The following MAP2K2 variants were observed in gnomAD, a reference collection of about 807,000 sequenced individuals.
The protein encoded by MAP2K2 is dual specificity mitogen-activated protein kinase kinase 2.
MAP2K2 carries 24 observed loss-of-function variants against 43.7 expected under a neutral mutation model. The observed-to-expected ratio is 0.55, with a 90% confidence interval of 0.40 to 0.77. The LOEUF (loss-of-function observed/expected upper bound fraction) is 0.77. Among genes scored for constraint, MAP2K2 ranks in the 30% least tolerant of loss-of-function variants. The probability of loss-of-function intolerance (pLI) is 0.00; values close to 1 mark genes in which losing one functional copy is unlikely to be tolerated. For synonymous variants in MAP2K2, 244 were observed against 239.7 expected (o/e 1.02, Z -0.17); for missense variants, 470 against 566.8 (o/e 0.83, Z 1.73).
intron 10 of MAP2K2, among the ~76,000 whole-genome samples, chr19:4,092,696 T>G (rs2040865612): frequency 6.6e-6 from 1 of 152,154 alleles, no homozygotes; most frequent in Non-Finnish European, 1.5e-5. Context: ...CTTGAACTCC[T>G]GGCCTCAGAG....
In MAP2K2 at chr19:4,117,660, T is replaced by C. The variant is rs200867451; in HGVS notation, c.93-31A>G. Reference sequence around the variant, plus strand: ...GAGACCCCCCAGGGTAGGGGTTAGCTACCTAGGGAGACTCCATCTGGCCGT... The same window carrying C: ...GAGACCCCCCAGGGTAGGGGTTAGCCACCTAGGGAGACTCCATCTGGCCGT... On this transcript the variant is annotated intron_variant, in intron 1 of 10. Transcript: ENST00000262948. 1,884 of 1,603,322 alleles carry C rather than the reference T, an allele frequency of 1.2e-3. 2 individuals are homozygous for C. Among genetic ancestry groups the C allele is most frequent in the Non-Finnish European group, 1.4e-3 (1,608 of 1,171,260 alleles).
At chr19:4,105,728 T>C (rs952582326) in intron 3 of MAP2K2, among the ~76,000 whole-genome samples, 6 of 152,098 alleles carry the variant, frequency 3.9e-5, no homozygotes, top group African/African-American at 1.4e-4. Flanking sequence ...GACTGCAGCA[T>C]AGTGCTGTGA....
In MAP2K2 at chr19:4,101,990, A is replaced by G. The variant is rs946063573; in HGVS notation, c.528+386T>C. 2.6e-5 allele frequency among the ~76,000 whole-genome samples: 4 copies of G among 152,114 alleles called. No homozygotes were observed. Among genetic ancestry groups the G allele is most frequent in the African/African-American group, 4.8e-5 (2 of 41,422 alleles). On this transcript the variant is annotated intron_variant, in intron 4 of 10. Coordinates refer to ENST00000262948, the MANE Select transcript of MAP2K2 (RefSeq NM_030662.4). The surrounding 1 kb of genome is among the most constrained non-coding windows in gnomAD (Gnocchi z 6.3). ...CCTTGGCCCCGGTGACATTTCTAAC[A>G]GCAATGGTGAGTGTGTCTGGAGGTC...
chr19:4,102,792 G>A, intron 3 of MAP2K2: 1 of 1,250,240 alleles, frequency 8.0e-7, no homozygotes, highest in South Asian at 1.5e-5. Context: ...AGGCAGCTGT[G>A]GGGCCCGCAC....
intron 3 of MAP2K2, 23 bp downstream of exon 3, chr19:4,110,486 G>A (rs763304434): frequency 1.2e-6 from 2 of 1,611,774 alleles, no homozygotes; most frequent in Non-Finnish European, 1.7e-6. Context: ...CCCTGCCCCT[G>A]CCCCTGCCCC....
At chr19:4,112,717 C>A (rs961520795) in intron 2 of MAP2K2, among the ~76,000 whole-genome samples, 2 of 152,186 alleles carry the variant, frequency 1.3e-5, no homozygotes, top group Admixed American at 1.3e-4. Context: ...TCAGGCCAGC[C>A]TGCAGAATCC....
chr19:4,103,381 G>T, intron 3 of MAP2K2: 1 of 464,642 alleles, frequency 2.2e-6, no homozygotes, highest in Non-Finnish European at 2.8e-6. Flanking sequence ...CACCCAAGGT[G>T]CCTCTTCAGA....
chr19:4,118,460 T>A (rs966921509), intron 1 of MAP2K2, among the ~76,000 whole-genome samples: 1 of 152,078 alleles, frequency 6.6e-6, no homozygotes, highest in Non-Finnish European at 1.5e-5. Flanking sequence ...ACGTTTGCAG[T>A]CCCAGCTACT....
intron 3 of MAP2K2, among the ~76,000 whole-genome samples, chr19:4,107,540 A>C (rs866269737): frequency 1.3e-5 from 2 of 150,992 alleles, no homozygotes; most frequent in African/African-American, 2.4e-5. Context: ...AAAAAAAAAA[A>C]AAAAAACAAA....
chr19:4,094,377 C>T, intron 10 of MAP2K2, 76 bp downstream of exon 10: 1 of 1,488,394 alleles, frequency 6.7e-7, no homozygotes, highest in Non-Finnish European at 9.2e-7. Context: ...CAGGGCCAGG[C>T]CCAGCAGCCT....
intron 1 of MAP2K2, 70 bp from the exon 2 acceptor site, chr19:4,117,699 G>A (rs892135530): frequency 1.1e-5 from 15 of 1,393,332 alleles, no homozygotes; most frequent in African/African-American, 8.5e-5. Context: ...CTATGTGGCC[G>A]TGGTGCATCG....
At chr19:4,102,886 T>C in intron 3 of MAP2K2, 1 of 1,159,816 alleles carries the variant, frequency 8.6e-7, no homozygotes, top group Middle Eastern at 4.0e-4. Context: ...CTGCGTCCTC[T>C]TCCCAGCACA....
At chr19:4,105,852 C>T (rs1037299149) in intron 3 of MAP2K2, among the ~76,000 whole-genome samples, 5 of 151,856 alleles carry the variant, frequency 3.3e-5, no homozygotes, top group South Asian at 4.2e-4. Context: ...TTTGTAGAGA[C>T]GGGGGTTCCT....
Position 4,123,850 on chromosome 19 carries a change from A to G in MAP2K2, c.26T>C (p.Leu9Pro), listed in dbSNP as rs758307267. ...GGTAGGGTTGATGGTGAGCGCCGGC[A>G]GCACCGGCTTCCTCCGGGCCAGCAT... MLARRKPV[L>P]PALTINPTIA... The change falls in exon 1 of 11, where the codon CTG (leucine) becomes CCG (proline). Residue 9 changes from leucine to proline, a missense_variant. Coordinates refer to ENST00000262948, the MANE Select transcript of MAP2K2 (RefSeq NM_030662.4). The G allele has an allele frequency of 7.9e-6, 12 of 1,523,126 alleles. No homozygotes were observed. The highest frequency in any genetic ancestry group is 1.1e-5 in the Non-Finnish European group (12 of 1,138,428). The allele number at this position is 1,523,126 out of a possible 1,614,324, so 94.4% of individuals were successfully genotyped here.
rs2041006891 is a variant in MAP2K2, at chr19:4,101,283, G to A, written c.529-3C>T. ...AGGTACGCCAAGCCCCGGAGAACCT[G>A]CAGGGGAGCGCGGAGGGAGTCACGG... On this transcript the variant is annotated splice_polypyrimidine_tract_variant and splice_region_variant and intron_variant, in intron 4 of 10. Transcript: ENST00000262948. This position sits in a 1 kb window ranked among gnomAD's most constrained non-coding sequence, Gnocchi z 6.3. The A allele has an allele frequency of 6.3e-7, 1 of 1,577,512 alleles. No individual in the cohort carries two copies. The highest frequency in any genetic ancestry group is 8.6e-7 in the Non-Finnish European group (1 of 1,162,228).
intron 2 of MAP2K2, among the ~76,000 whole-genome samples, chr19:4,113,437 G>A (rs1412926985): frequency 6.6e-6 from 1 of 152,096 alleles, no homozygotes; most frequent in Non-Finnish European, 1.5e-5. Flanking sequence ...AGGAGGGGAG[G>A]GGGCGTTCCT....
intron 3 of MAP2K2, among the ~76,000 whole-genome samples, chr19:4,105,854 G>A (rs1267138251): frequency 6.6e-6 from 1 of 151,824 alleles, no homozygotes; most frequent in Non-Finnish European, 1.5e-5. Context: ...TGTAGAGACG[G>A]GGGTTCCTCA....
At position 4,098,102 on chromosome 19, in the gene MAP2K2, A is replaced by C. The variant is rs117589877; in HGVS notation, c.920-759T>G. Among the ~76,000 whole-genome samples, 1,468 of 152,342 alleles carry C rather than the reference A, an allele frequency of 9.6e-3. 10 individuals carry two copies. Among genetic ancestry groups the C allele is most frequent in the Non-Finnish European group, 0.017 (1,155 of 68,020 alleles). ...AAACGTGGCCTGTTCGTGTCATAAA[A>C]TACTACTCAGCCTTTCAAAAGGACC... On this transcript the variant is annotated intron_variant, in intron 7 of 10. Transcript: ENST00000262948.
In MAP2K2 at chr19:4,090,604, G is replaced by A. The variant is rs987393686; in HGVS notation, c.1197C>T (p.Ala399=). The change falls in exon 11 of 11, where the codon GCC becomes GCT. Residue 399 remains alanine (A), a synonymous_variant. Coordinates refer to ENST00000262948, the MANE Select transcript of MAP2K2 (RefSeq NM_030662.4). ...GCAGGGAGCCCGGCCACTGTCACACGGCGGTGCGCGTGGGTGTGCCGGGCT... is the reference window on the plus strand; with the variant it reads ...GCAGGGAGCCCGGCCACTGTCACACAGCGGTGCGCGTGGGTGTGCCGGGCT... The part of the protein sequence containing the change: ...LNQPGTPTRT[A]V 2.8e-5 allele frequency: 43 copies of A among 1,550,852 alleles called. No homozygotes were observed. The highest frequency in any genetic ancestry group is 3.9e-5 in the Admixed American group (2 of 51,078).
Sources: gnomAD v4.1 joint callset for allele counts (sites outside exome capture counted in the v4.1 genomes callset) on GRCh38, gnomAD v4.1.1 for gene constraint, Gnocchi (gnomAD v3.1) non-coding constraint, MANE v1.5 for transcripts, NCBI Gene and HGNC (gene_info 2026-07-23, HGNC 2026-07-21) for gene names.